The following PCDHA1 variants were observed in gnomAD, a reference collection of about 807,000 sequenced individuals.
PCDHA1 encodes the protein protocadherin alpha 1.
A neutral mutation model predicts 61.3 loss-of-function variants in PCDHA1; 42 were observed. That is an observed-to-expected ratio of 0.69 (90% CI 0.54 to 0.89). The LOEUF is 0.89. Among genes scored for constraint, PCDHA1 ranks in the 40% least tolerant of loss-of-function variants. The probability of loss-of-function intolerance (pLI) is 0.00; values close to 1 mark genes in which losing one functional copy is unlikely to be tolerated. For synonymous variants in PCDHA1, 610 were observed against 553.8 expected, an observed-to-expected ratio of 1.10 and a Z score of -1.43; for missense variants, 1,256 against 1,235.3, an observed-to-expected ratio of 1.02 and a Z score of -0.25.
chr5:140,842,877 C>G (rs782040771), intron 1 of PCDHA1: 5 of 1,593,864 alleles, frequency 3.1e-6, no homozygotes, highest in Non-Finnish European at 4.3e-6. Flanking sequence ...AAGGTGTACG[C>G]GCTGCAGCCG....
At chr5:140,868,894 G>T in intron 1 of PCDHA1, 6 of 771,428 alleles carry the variant, frequency 7.8e-6, no homozygotes, top group Non-Finnish European at 1.2e-5. Flanking sequence ...TTAGGCGCAA[G>T]GTGTCGCTCT....
chr5:140,957,100 T>C (rs2095333217), intron 1 of PCDHA1, among the ~76,000 whole-genome samples: 1 of 152,328 alleles, frequency 6.6e-6, no homozygotes, highest in Non-Finnish European at 1.5e-5. Flanking sequence ...AATATTGCTA[T>C]GGACATGATT....
At chr5:140,850,442 G>A in intron 1 of PCDHA1, 1 of 1,598,036 alleles carries the variant, frequency 6.3e-7, no homozygotes, top group Non-Finnish European at 8.6e-7. Flanking sequence ...GCCTACTGGT[G>A]CTGGTGAAAG....
At chr5:140,824,949 A>C (rs1182426968) in intron 1 of PCDHA1, 1 of 152,150 alleles carries the variant, frequency 6.6e-6, no homozygotes, top group Non-Finnish European at 1.5e-5. Context: ...TAATTTAAAA[A>C]TTATATTTTT....
chr5:140,975,516 G>T (rs1310855349), intron 1 of PCDHA1, among the ~76,000 whole-genome samples: 1 of 152,166 alleles, frequency 6.6e-6, no homozygotes, highest in Non-Finnish European at 1.5e-5. Flanking sequence ...TGCAAAATCT[G>T]CAGTGGATAT....
chr5:140,875,537 C>A, intron 1 of PCDHA1: 1 of 1,614,130 alleles, frequency 6.2e-7, no homozygotes, highest in South Asian at 1.1e-5. Context: ...CTGCTCCTTG[C>A]AGCCTGGGAG....
chr5:140,872,610 T>G (rs1270918795), intron 1 of PCDHA1, among the ~76,000 whole-genome samples: 3 of 152,146 alleles, frequency 2.0e-5, no homozygotes, highest in Non-Finnish European at 4.4e-5. Flanking sequence ...AAAATAATTT[T>G]TTTTGCCTGT....
chr5:140,954,209 T>C (rs2094996699), intron 1 of PCDHA1, among the ~76,000 whole-genome samples: 1 of 152,218 alleles, frequency 6.6e-6, no homozygotes, highest in Non-Finnish European at 1.5e-5. Context: ...GTTGATCCCA[T>C]GTTTTTGCTA....
intron 1 of PCDHA1, among the ~76,000 whole-genome samples, chr5:140,898,903 C>T (rs1323359632): frequency 6.6e-6 from 1 of 152,100 alleles, no homozygotes; most frequent in Non-Finnish European, 1.5e-5. Context: ...AGAGGTCCTT[C>T]ACGTCCCTTG....
intron 1 of PCDHA1, chr5:140,796,723 G>T (rs1554120065): frequency 6.2e-7 from 1 of 1,614,110 alleles, no homozygotes. Flanking sequence ...GTCGGTGGGT[G>T]CAGGGCACGT....
At chr5:140,914,646 C>A (rs2076792238) in intron 1 of PCDHA1, among the ~76,000 whole-genome samples, 1 of 152,018 alleles carries the variant, frequency 6.6e-6, no homozygotes, top group Admixed American at 6.5e-5. Context: ...ATGGTCATCT[C>A]TCCCTTCTTT....
At chr5:140,983,228 A>T (rs1012242202) in intron 3 of PCDHA1, among the ~76,000 whole-genome samples, 4 of 152,240 alleles carry the variant, frequency 2.6e-5, no homozygotes, top group Non-Finnish European at 4.4e-5. Context: ...CCAAACTTTC[A>T]GGAAAGAGAA....
Position 140,788,582 on chromosome 5 carries a change from A to C in PCDHA1, c.2292A>C (p.Pro764=), listed in dbSNP as rs1554118295. The change falls in exon 1 of 4, where the codon CCA becomes CCC. Residue 764 remains proline, a synonymous_variant. Coordinates refer to ENST00000504120, the MANE Select transcript of PCDHA1 (RefSeq NM_018900.4). The stretch of plus-strand genomic sequence containing the variant: ...AGAGGGTGTGCTCTAGCGAGGGCCC[A>C]CCCAAGACCGACCTCATGGCCTTCA... The part of the protein sequence containing the change: ...RRQRVCSSEG[P]PKTDLMAFSP... 5 of 1,614,172 alleles carry C rather than the reference A, an allele frequency of 3.1e-6. No individual in the cohort carries two copies. The highest frequency in any genetic ancestry group is 4.2e-6 in the Non-Finnish European group (5 of 1,180,018).
intron 1 of PCDHA1, chr5:140,876,687 C>T: frequency 6.2e-7 from 1 of 1,614,212 alleles, no homozygotes; most frequent in Non-Finnish European, 8.5e-7. Flanking sequence ...AGAATTACTA[C>T]TCGTTGGTGC....
chr5:140,919,505 CTA>C (rs2079156587), intron 1 of PCDHA1, among the ~76,000 whole-genome samples: 3 of 152,008 alleles, frequency 2.0e-5, no homozygotes, highest in Admixed American at 6.6e-5. Context: ...ACTCCTTTTT[CTA>C]TATGTTTTAA....
intron 1 of PCDHA1, chr5:140,877,402 C>T: frequency 6.2e-7 from 1 of 1,613,934 alleles, no homozygotes; most frequent in African/African-American, 1.3e-5. Flanking sequence ...GGACGCTCCG[C>T]GCCACCGCCT....
intron 1 of PCDHA1, chr5:140,926,324 G>A (rs574950381): frequency 6.6e-6 from 1 of 152,268 alleles, no homozygotes; most frequent in Non-Finnish European, 1.5e-5. Flanking sequence ...GTGCGCCGGG[G>A]TCAGAGCGCC....
At chr5:140,796,721 G>T (rs782166727) in intron 1 of PCDHA1, 2 of 1,614,070 alleles carry the variant, frequency 1.2e-6, no homozygotes, top group Non-Finnish European at 8.5e-7. Flanking sequence ...TGGTCGGTGG[G>T]TGCAGGGCAC....
chr5:140,968,287 C>T lies in PCDHA1; in HGVS notation c.2395-10662C>T, dbSNP rs7712041. Reference sequence around the variant, plus strand: ...AGGAGAATGCAGAGGTGACCTACTCCCTTCTGGAGAGGGAGATTCAAGGGC... The same window carrying T: ...AGGAGAATGCAGAGGTGACCTACTCTCTTCTGGAGAGGGAGATTCAAGGGC... On this transcript the variant is annotated intron_variant, in intron 1 of 3. Coordinates refer to ENST00000504120, the MANE Select transcript of PCDHA1 (RefSeq NM_018900.4). The T allele has an allele frequency of 2.5e-3, 4,093 of 1,613,902 alleles. 64 individuals are homozygous for T. In the African/African-American group the frequency reaches 0.039, roughly 16 times the overall value.
Sources: allele counts gnomAD v4.1 joint callset (sites outside exome capture counted in the v4.1 genomes callset), GRCh38; gene constraint gnomAD v4.1.1; transcripts MANE v1.5; gene names NCBI Gene and HGNC (gene_info 2026-07-23, HGNC 2026-07-21).